SLC12A9: variants seen among roughly 807,000 people sequenced by gnomAD.
SLC12A9 encodes CCC-interacting protein 1.
In SLC12A9, 55 loss-of-function variants were observed where a neutral mutation model predicts 66.0. The ratio of observed to expected loss-of-function variants is 0.83; its 90% confidence interval spans 0.67 to 1.04. The LOEUF is 1.04. SLC12A9 is among the 50% of genes least tolerant of loss of function. SLC12A9 has a pLI of 0.00. For synonymous variants in SLC12A9, 577 were observed against 569.0 expected, an observed-to-expected ratio of 1.01 and a Z score of -0.20; for missense variants, 1,061 against 1,241.9, an observed-to-expected ratio of 0.85 and a Z score of 2.19.
Position 100,861,899 on chromosome 7 carries a change from C to G in SLC12A9, c.1699C>G (p.Leu567Val), listed in dbSNP as rs1174167515. ...GCTGTATGTGCTGGGCCACGTCACC[C>G]TGGGAGACCTCGGTGAGCTGCCCTC... ...GGLYVLGHVT[L>V]GDLDSLPSDP... The change falls in exon 12 of 14, where the codon CTG (leucine) becomes GTG (valine). Residue 567 changes from leucine to valine, a missense_variant. Leu to Val is a conservative substitution (Grantham distance 32). Transcript: ENST00000354161. The surrounding 1 kb of genome is among the most constrained non-coding windows in gnomAD (Gnocchi z 5.3). 1 of 1,602,032 alleles carries G rather than the reference C, an allele frequency of 6.2e-7. No individual in the cohort carries two copies. Among genetic ancestry groups the G allele is most frequent in the South Asian group, 1.1e-5 (1 of 89,920 alleles).
chr7:100,827,089 G>A, intron 1 of SLC12A9: 1 of 1,530,072 alleles, frequency 6.5e-7, no homozygotes, highest in South Asian at 1.2e-5. Flanking sequence ...GCCCCCCCAG[G>A]TCTGACTCTC....
upstream of SLC12A9, among the ~76,000 whole-genome samples, chr7:100,851,292 T>C (rs1003269480): frequency 1.3e-5 from 2 of 152,026 alleles, no homozygotes; most frequent in African/African-American, 2.4e-5. Flanking sequence ...CAGTCATTGA[T>C]GAAGACAAGG....
chr7:100,837,851 ATTTTTTTTTTTTT>A (rs11285489), intron 1 of SLC12A9, among the ~76,000 whole-genome samples: 2 of 79,654 alleles, frequency 2.5e-5, no homozygotes, highest in African/African-American at 5.5e-5. Context: ...ATTTATTTCA[ATTTTTTTTTTTTT>A]TTTTTTTTTT....
At chr7:100,849,793 T>A (rs796226935), upstream of SLC12A9, among the ~76,000 whole-genome samples, 10 of 151,556 alleles carry the variant, frequency 6.6e-5, no homozygotes, top group African/African-American at 2.4e-4. Context: ...GCCCAACAGT[T>A]CTCTACCTCA....
In SLC12A9 at chr7:100,859,039, C is replaced by T. The variant is rs1354476083; in HGVS notation, c.866-11C>T. The T allele has an allele frequency of 1.2e-6, 2 of 1,613,010 alleles. No individual in the cohort carries two copies. The highest frequency in any genetic ancestry group is 1.6e-4 in the Middle Eastern group (1 of 6,062). ...AGGGCTGACCTCACTCCCTCTGCTC[C>T]CCCTCTCCAGGGGAGCTGAAGGACC... On this transcript the variant is annotated splice_polypyrimidine_tract_variant and intron_variant, in intron 6 of 13. Transcript: ENST00000354161.
chr7:100,856,948 CT>C lies in SLC12A9; in HGVS notation c.531del (p.Val178TrpfsTer44). ...GCTGTATGGCTCCCTGCTGCTGGGC[CT>C]TGTGGGTGGGGTCTGCACCCTGGGA... ...NLLYGSLLLG[L>X]VGGVCTLGAG... is the part of the protein sequence containing the mutation. On this transcript the variant is annotated frameshift_variant, in exon 5 of 14. Transcript: ENST00000354161. LOFTEE classifies it high-confidence loss of function. The C allele has an allele frequency of 6.2e-7, 1 of 1,613,480 alleles. No homozygotes were observed. Among genetic ancestry groups the C allele is most frequent in the Non-Finnish European group, 8.5e-7 (1 of 1,180,030 alleles).
chr7:100,848,839 T>C (rs1212631578), upstream of SLC12A9, among the ~76,000 whole-genome samples: 1 of 151,598 alleles, frequency 6.6e-6, no homozygotes, highest in Non-Finnish European at 1.5e-5. Flanking sequence ...TGAGCCGAGA[T>C]CGTGCCACTG....
chr7:100,847,027 G>A (rs547074451), intron 1 of SLC12A9, among the ~76,000 whole-genome samples: 25 of 151,826 alleles, frequency 1.6e-4, no homozygotes, highest in African/African-American at 2.9e-4. Flanking sequence ...TCTCTTGCGC[G>A]CCCCCTGAGA....
At chr7:100,832,637 G>A (rs1320577439) in intron 1 of SLC12A9, among the ~76,000 whole-genome samples, 1 of 152,128 alleles carries the variant, frequency 6.6e-6, no homozygotes, top group African/African-American at 2.4e-5. Flanking sequence ...GTAAATGCAA[G>A]TATTCCAGGG....
upstream of SLC12A9, chr7:100,852,612 A>G (rs1156321829): frequency 6.6e-6 from 1 of 152,114 alleles, no homozygotes; most frequent in Non-Finnish European, 1.5e-5. Flanking sequence ...GAGCTGGAGC[A>G]GCGCAGGCTG....
chr7:100,837,070 ATCTC>A (rs1287764978), intron 1 of SLC12A9, among the ~76,000 whole-genome samples: 1 of 152,000 alleles, frequency 6.6e-6, no homozygotes, highest in Non-Finnish European at 1.5e-5. Flanking sequence ...AAGGTAGAAA[ATCTC>A]AGATACTGAA....
chr7:100,859,873 C>T lies in SLC12A9; in HGVS notation c.978-12C>T, dbSNP rs1814635659. ...GCATGATCATCCGTGTCCTCCTTTT[C>T]CTCCTTCCTAGGACCCTGCTGCAGG... On this transcript the variant is annotated splice_polypyrimidine_tract_variant and intron_variant, in intron 7 of 13. Transcript: ENST00000354161. The T allele has an allele frequency of 1.3e-6, 2 of 1,587,862 alleles. No individual in the cohort carries two copies. The highest frequency in any genetic ancestry group is 2.7e-5 in the African/African-American group (2 of 74,392).
At position 100,858,936 on chromosome 7, in the gene SLC12A9, A is replaced by G. The variant is rs1279007230; in HGVS notation, c.859A>G (p.Met287Val). ...GCTGIMAGAN[M>V]SGELKDPSRA... ...TACAGGCATCATGGCTGGGGCCAAC[A>G]TGTCAGGTGAGAGTCCCTGCCTGCT... The change falls in exon 6 of 14, where the codon ATG becomes GTG. Residue 287 changes from methionine (M) to valine (V), a missense_variant. Coordinates refer to ENST00000354161, the MANE Select transcript of SLC12A9 (RefSeq NM_020246.4). 1.9e-6 allele frequency: 3 copies of G among 1,613,916 alleles called. No homozygotes were observed. The highest frequency in any genetic ancestry group is 2.5e-6 in the Non-Finnish European group (3 of 1,179,988).
rs1477704019 is a variant in SLC12A9, at chr7:100,839,113, G to T, written n.228+12066G>T. On this transcript the variant is annotated intron_variant and non_coding_transcript_variant, in intron 1 of 1. Coordinates refer to the SLC12A9 transcript ENST00000461016. ...CCGAGGCGGGTGGATCACGAGGTCAGGAGATCGAGACCATCCTGGCTAACA... is the reference window on the plus strand; with the variant it reads ...CCGAGGCGGGTGGATCACGAGGTCATGAGATCGAGACCATCCTGGCTAACA... Among the ~76,000 whole-genome samples the T allele has an allele frequency of 3.3e-5, 5 of 152,270 alleles. No individual in the cohort carries two copies. The East Asian group carries it at 7.7e-4, about 24-fold the overall frequency.
At chr7:100,826,957 C>CT (rs774554465) in exon 1 of SLC12A9, 2 of 1,538,690 alleles carry the variant, frequency 1.3e-6, no homozygotes, top group East Asian at 4.9e-5. Context: ...CGGGGTGCGC[C>CT]CCCCCCCGCA....
rs1175370251 is a variant in SLC12A9 at position 100,840,625 on chromosome 7, CAGAG to C, written n.228+13581_228+13584del. ...GAAGAGACAGAGAGGAAAAGACAGA[CAGAG>C]AGGGAGTCAAGGAGAGAGAGAAAGA... On this transcript the variant is annotated intron_variant and non_coding_transcript_variant, in intron 1 of 1. Coordinates refer to the SLC12A9 transcript ENST00000461016. Among the ~76,000 whole-genome samples the C allele has an allele frequency of 2.6e-5, 4 of 151,090 alleles. No individual in the cohort carries two copies. The South Asian group carries it at 6.3e-4, about 24-fold the overall frequency.
intron 1 of SLC12A9, among the ~76,000 whole-genome samples, chr7:100,832,283 T>C (rs1813559250): frequency 6.6e-6 from 1 of 151,746 alleles, no homozygotes; most frequent in African/African-American, 2.4e-5. Context: ...GGCAGGAGGA[T>C]TGCTTGAGTC....
rs759944996 is a variant in SLC12A9, at chr7:100,854,300, C to A, written c.103C>A (p.Arg35=). 1.9e-6 allele frequency: 3 copies of A among 1,604,564 alleles called. No individual in the cohort carries two copies. The East Asian group carries it at 6.7e-5, about 36-fold the overall frequency. ...GAGGPGGASA[R]KLSTFLGVVV... ...CGGGGGTCCTGGAGGGGCGTCTGCC[C>A]GGAAGCTGTCCACCTTCCTGGGTGT... Residue 35 remains arginine, a synonymous_variant, in exon 2 of 14, where the codon CGG becomes AGG. Coordinates refer to ENST00000354161, the MANE Select transcript of SLC12A9 (RefSeq NM_020246.4).
chr7:100,848,822 C>T (rs60999863), upstream of SLC12A9, among the ~76,000 whole-genome samples: 7,034 of 151,242 alleles, frequency 0.047, 562 homozygotes, highest in African/African-American at 0.16. Flanking sequence ...GGAGGCAGAG[C>T]TTGCAGTGAG....
Sources: allele counts gnomAD v4.1 joint callset (sites outside exome capture counted in the v4.1 genomes callset), GRCh38; gene constraint gnomAD v4.1.1; non-coding constraint Gnocchi (gnomAD v3.1); transcripts MANE v1.5; gene names NCBI Gene and HGNC (gene_info 2026-07-23, HGNC 2026-07-21).